Variants in MUC5B observed in about 807,000 individuals in gnomAD.
MUC5B encodes mucin 5B, oligomeric mucus/gel-forming, also known as mucin-5B.
A neutral mutation model predicts 376.9 loss-of-function variants in MUC5B; 116 were observed. The ratio of observed to expected loss-of-function variants is 0.31; its 90% CI spans 0.26 to 0.36. MUC5B has a LOEUF of 0.36. Among genes scored for constraint, MUC5B ranks in the 10% least tolerant of loss-of-function variants. The probability of loss-of-function intolerance (pLI) is 1.00; values close to 1 mark genes in which losing one functional copy is unlikely to be tolerated. For missense variants in MUC5B, 7,165 were observed against 7,769.9 expected, an observed-to-expected ratio of 0.92 and a Z score of 2.93; for synonymous variants, 3,517 against 3,390.9, an observed-to-expected ratio of 1.04 and a Z score of -1.29.
rs1284367674 is a variant in MUC5B, at chr11:1,247,147, G to A, written c.10267G>A (p.Ala3423Thr). 2.0e-5 allele frequency: 30 copies of A among 1,535,672 alleles called. 1 individual carries two copies. Among genetic ancestry groups the A allele is most frequent in the Admixed American group, 7.6e-5 (4 of 52,298 alleles). The change falls in exon 31 of 49, where the codon GCC becomes ACC. Residue 3423 changes from alanine to threonine, a missense_variant. Ala to Thr is a moderately conservative substitution (Grantham distance 58). Around this residue, in one of 31 missense-constraint regions of MUC5B, gnomAD observed 939 missense variants for 770.6 expected, o/e 1.22. Coordinates refer to ENST00000529681, the MANE Select transcript of MUC5B (RefSeq NM_002458.3). ...TPIPPVLTTT[A>T]TTPAATSSTV... ...CATCCCCCCAGTGCTGACCACCACC[G>A]CCACCACACCTGCAGCCACCAGCAG...
At chr11:1,254,047 G>A (rs1862769517) in intron 33 of MUC5B, 45 bp from the exon 34 acceptor site, 1 of 1,585,936 alleles carries the variant, frequency 6.3e-7, no homozygotes, top group Non-Finnish European at 8.6e-7. Flanking sequence ...GGGGAGCGAG[G>A]GCACCACCAC....
At position 1,240,275 on chromosome 11, in the gene MUC5B, A is replaced by C; in HGVS notation, c.3870A>C (p.Gly1290=). 2 of 1,613,726 alleles carry C rather than the reference A, an allele frequency of 1.2e-6. No homozygotes were observed. The highest frequency in any genetic ancestry group is 1.7e-6 in the Non-Finnish European group (2 of 1,179,706). ...GLGACLIAIC[G]SNGTIIRKAV... is the part of the protein sequence containing the mutation. ...GCGCCTGCTTGATCGCCATCTGCGG[A>C]AGCAACGGCACCATCATCAGGAAGG... The change falls in exon 30 of 49, where the codon GGA becomes GGC. Residue 1290 remains glycine (G), a synonymous_variant. Transcript: ENST00000529681.
chr11:1,247,362 C>G lies in MUC5B; in HGVS notation c.10482C>G (p.Thr3494=). The G allele has an allele frequency of 1.2e-6, 2 of 1,610,998 alleles. No homozygotes were observed. Among genetic ancestry groups the G allele is most frequent in the Non-Finnish European group, 1.7e-6 (2 of 1,179,412 alleles). The change falls in exon 31 of 49, where the codon ACC becomes ACG. Residue 3494 remains threonine, a synonymous_variant. Coordinates refer to ENST00000529681, the MANE Select transcript of MUC5B (RefSeq NM_002458.3). ...ITEPSTVTSH[T]PAATTSTTQH... is the part of the protein sequence containing the mutation. The stretch of plus-strand genomic sequence containing the variant: ...AGCCTTCCACGGTGACTTCCCACAC[C>G]CCAGCAGCAACCACCAGTACCACCC...
chr11:1,233,346 C>G (rs1862078179), intron 18 of MUC5B, 78 bp downstream of exon 18: 1 of 1,421,802 alleles, frequency 7.0e-7, no homozygotes, highest in Non-Finnish European at 9.3e-7. Flanking sequence ...GCTTCTGTGC[C>G]TCCCCCCGAG....
Position 1,234,727 on chromosome 11 carries a change from G to A in MUC5B, c.2630+47G>A, listed in dbSNP as rs2735720. 12 of 943,020 alleles carry A rather than the reference G, an allele frequency of 1.3e-5. No homozygotes were observed. Among genetic ancestry groups the A allele is most frequent in the African/African-American group, 3.4e-5 (2 of 58,700 alleles). 58.4% of individuals were successfully genotyped at this position (943,020 alleles called of 1,614,324 possible). A position where few individuals can be genotyped will look rare whatever the true frequency, so the allele number is the denominator to read the frequency against. On this transcript the variant is annotated intron_variant, in intron 21 of 48. Coordinates refer to ENST00000529681, the MANE Select transcript of MUC5B (RefSeq NM_002458.3). The surrounding 1 kb of genome is among the most constrained non-coding windows in gnomAD (Gnocchi z 6.3). ...GGCAGCAGGTGGGGAGGGCGGGGGCGGGGAGGGCAGCGGGTGGGGAGGCAG... is the reference window on the plus strand; with the variant it reads ...GGCAGCAGGTGGGGAGGGCGGGGGCAGGGAGGGCAGCGGGTGGGGAGGCAG...
rs1861976232 is a variant in MUC5B, at chr11:1,229,671, C to T, written c.1103-19C>T. On this transcript the variant is annotated intron_variant, in intron 9 of 48. Coordinates refer to ENST00000529681, the MANE Select transcript of MUC5B (RefSeq NM_002458.3). ...TCCCCCGTGCATGGGCCGGCCCTGC[C>T]TCACGCCGCGCCCCACAGGCACGGT... The T allele has an allele frequency of 2.6e-6, 4 of 1,541,220 alleles. No homozygotes were observed. The highest frequency in any genetic ancestry group is 3.5e-6 in the Non-Finnish European group (4 of 1,147,106).
rs886876381 is a variant in MUC5B at position 1,259,181 on chromosome 11, C to T, written c.16713+120C>T. On this transcript the variant is annotated intron_variant, in intron 44 of 48. Coordinates refer to ENST00000529681, the MANE Select transcript of MUC5B (RefSeq NM_002458.3). ...CCCGCCCCCAGGTGAGCCCCCGAGGCACCTGCCCCCAGGTGAGTCCCTGAG... is the reference window on the plus strand; with the variant it reads ...CCCGCCCCCAGGTGAGCCCCCGAGGTACCTGCCCCCAGGTGAGTCCCTGAG... 2.2e-5 allele frequency: 23 copies of T among 1,052,670 alleles called. No homozygotes were observed. In the East Asian group the frequency reaches 4.1e-4, roughly 19 times the overall value. 65.2% of individuals were successfully genotyped at this position (1,052,670 alleles called of 1,614,324 possible).
rs28438433 is a variant in MUC5B, at chr11:1,252,721, C to T, written c.15046-88C>T. The T allele has an allele frequency of 2.5e-3, 3,734 of 1,487,388 alleles. 66 individuals are homozygous for T. In the African/African-American group the frequency reaches 0.044, roughly 17 times the overall value. The allele number at this position is 1,487,388 out of a possible 1,614,324, so 92.1% of individuals were successfully genotyped here. On this transcript the variant is annotated intron_variant, in intron 32 of 48. Transcript: ENST00000529681. The stretch of plus-strand genomic sequence containing the variant: ...CCTCAGGCAGGCTCTTGTGGCCACC[C>T]GGGGCTTTGGGCCATGAGGGGTGGG...
At position 1,246,932 on chromosome 11, in the gene MUC5B, C is replaced by G. The variant is rs915382007; in HGVS notation, c.10052C>G (p.Ser3351Cys). The G allele has an allele frequency of 6.2e-7, 1 of 1,609,746 alleles. No homozygotes were observed. The highest frequency in any genetic ancestry group is 1.3e-5 in the African/African-American group (1 of 74,670). The change falls in exon 31 of 49, where the codon TCC becomes TGC. Residue 3351 changes from serine (S) to cysteine (C), a missense_variant. Physicochemically the swap from Ser to Cys is moderately radical, Grantham distance 112 (BLOSUM62 -1). Coordinates refer to ENST00000529681, the MANE Select transcript of MUC5B (RefSeq NM_002458.3). Reference protein sequence around the residue: ...TTRGSTVTPSSIPGTTHTATV... With the variant: ...TTRGSTVTPSCIPGTTHTATV... ...AGAGGCTCCACGGTGACCCCCTCCTCCATCCCGGGGACCACCCACACCGCC... is the reference window on the plus strand; with the variant it reads ...AGAGGCTCCACGGTGACCCCCTCCTGCATCCCGGGGACCACCCACACCGCC...
chr11:1,250,144 A>G lies in MUC5B; in HGVS notation c.13264A>G (p.Thr4422Ala). 6.2e-7 allele frequency: 1 copy of G among 1,611,184 alleles called. No individual in the cohort carries two copies. The highest frequency in any genetic ancestry group is 8.5e-7 in the Non-Finnish European group (1 of 1,178,628). ...SSTPGTTWIL[T>A]ELTTTATTTA... ...CACCCCAGGGACCACCTGGATCCTC[A>G]CAGAGCTGACCACAACAGCCACTAC... The change falls in exon 31 of 49, where the codon ACA becomes GCA. Residue 4422 changes from threonine (T) to alanine (A), a missense_variant. Around this residue, in one of 31 missense-constraint regions of MUC5B, gnomAD observed 431 missense variants for 390.4 expected, o/e 1.10. Transcript: ENST00000529681.
chr11:1,238,840 C>G, intron 25 of MUC5B, 31 bp from the exon 26 acceptor site: 2 of 1,539,102 alleles, frequency 1.3e-6, no homozygotes, highest in Non-Finnish European at 8.8e-7. Context: ...GCCATTGTCC[C>G]GGCTGAGCTG....
rs767758324 is a variant in MUC5B at position 1,233,263 on chromosome 11, C to T, written c.2316C>T (p.Ala772=). Residue 772 remains alanine, a synonymous_variant, in exon 18 of 49, where the codon GCC becomes GCT. Transcript: ENST00000529681. Reference sequence around the variant, plus strand: ...GAGAGGTGGTGCACGACGAGGGCGCCGTGTGGTAAGGGTCTGGGGGGAAAG... The same window carrying T: ...GAGAGGTGGTGCACGACGAGGGCGCTGTGTGGTAAGGGTCTGGGGGGAAAG... The part of the protein sequence containing the change: ...APGEVVHDEG[A]VCSCTGGKLS... 6.8e-5 allele frequency: 107 copies of T among 1,564,362 alleles called. No homozygotes were observed. The highest frequency in any genetic ancestry group is 8.4e-5 in the Non-Finnish European group (97 of 1,156,978).
At chr11:1,260,840 G>A in intron 48 of MUC5B, 112 bp downstream of exon 48, 2 of 743,368 alleles carry the variant, frequency 2.7e-6, no homozygotes, top group Non-Finnish European at 4.5e-6. Flanking sequence ...GCCAGCTCCA[G>A]GAAGGAGGGA....
Position 1,228,594 on chromosome 11 carries a change from C to T in MUC5B, c.805C>T (p.Pro269Ser). 1 of 1,530,400 alleles carries T rather than the reference C, an allele frequency of 6.5e-7. No homozygotes were observed. The highest frequency in any genetic ancestry group is 8.7e-7 in the Non-Finnish European group (1 of 1,143,608). 94.8% of individuals were successfully genotyped at this position (1,530,400 alleles called of 1,614,324 possible). ...CATCTGCCACCGCACCCTGCTGGGGCCGGCCTTTGCGGAGTGCCACGCACT... is the reference window on the plus strand; with the variant it reads ...CATCTGCCACCGCACCCTGCTGGGGTCGGCCTTTGCGGAGTGCCACGCACT... ...EGICHRTLLG[P>S]AFAECHALVD... Residue 269 changes from proline to serine, a missense_variant, in exon 8 of 49, where the codon CCG becomes TCG. Pro to Ser is a moderately conservative substitution (Grantham distance 74). This residue lies in a region of MUC5B where 640 missense variants were observed against 733.0 expected (regional missense o/e 0.87). Transcript: ENST00000529681.
In MUC5B at chr11:1,234,238, G is replaced by A. The variant is rs779321534; in HGVS notation, c.2411G>A (p.Ser804Asn). ...GCCCCCATGGTGTACCTGGACTGCA[G>A]CAACAGCTCGGCGGGCACCCCTGGG... ...CAAPMVYLDC[S>N]NSSAGTPGAE... Residue 804 changes from serine (S) to asparagine (N), a missense_variant, in exon 20 of 49, where the codon AGC becomes AAC. Coordinates refer to ENST00000529681, the MANE Select transcript of MUC5B (RefSeq NM_002458.3). This position sits in a 1 kb window ranked among gnomAD's most constrained non-coding sequence, Gnocchi z 6.3. 2.5e-5 allele frequency: 40 copies of A among 1,606,730 alleles called. No individual in the cohort carries two copies. Among genetic ancestry groups the A allele is most frequent in the Admixed American group, 1.3e-4 (8 of 59,506 alleles).
chr11:1,231,274 G>C, intron 13 of MUC5B, 149 bp from the exon 14 acceptor site: 1 of 1,036,018 alleles, frequency 9.7e-7, no homozygotes, highest in Non-Finnish European at 1.4e-6. Flanking sequence ...CACAGGCATG[G>C]GACAGGGAGC....
rs773838518 is a variant in MUC5B at position 1,241,383 on chromosome 11, C to A, written c.4503C>A (p.Thr1501=). The stretch of plus-strand genomic sequence containing the variant: ...TCACCCCCTCGGCCCCAGGTACCAC[C>A]ACCTGCCAGCCCCGGTGTCAGTGGA... ...VTVTPSAPGT[T]TCQPRCQWTE... Residue 1501 remains threonine, a synonymous_variant, in exon 31 of 49, where the codon ACC becomes ACA. Coordinates refer to ENST00000529681, the MANE Select transcript of MUC5B (RefSeq NM_002458.3). The A allele has an allele frequency of 3.7e-6, 6 of 1,613,472 alleles. No individual in the cohort carries two copies. Among genetic ancestry groups the A allele is most frequent in the African/African-American group, 1.3e-5 (1 of 74,928 alleles).
At chr11:1,229,326 G>C (rs1253400094) in intron 9 of MUC5B, 31 bp downstream of exon 9, 1 of 1,514,644 alleles carries the variant, frequency 6.6e-7, no homozygotes, top group African/African-American at 1.4e-5. Context: ...ACCCCTCAGG[G>C]GGCTTTCAGG....
At position 1,243,527 on chromosome 11, in the gene MUC5B, C is replaced by T. The variant is rs267602740; in HGVS notation, c.6647C>T (p.Ser2216Leu). ...SPHTVRTAWT[S>L]ATSGILGTTH... is the part of the protein sequence containing the mutation. Reference sequence around the variant, plus strand: ...CACACGGTGCGCACAGCCTGGACTTCGGCCACCTCGGGCATCTTGGGCACC... The same window carrying T: ...CACACGGTGCGCACAGCCTGGACTTTGGCCACCTCGGGCATCTTGGGCACC... The change falls in exon 31 of 49, where the codon TCG becomes TTG. Residue 2216 changes from serine to leucine, a missense_variant. Coordinates refer to ENST00000529681, the MANE Select transcript of MUC5B (RefSeq NM_002458.3). 8.2e-5 allele frequency: 131 copies of T among 1,604,390 alleles called. No individual in the cohort carries two copies. Among genetic ancestry groups the T allele is most frequent in the Non-Finnish European group, 1.0e-4 (121 of 1,176,818 alleles).
Sources: gnomAD v4.1 joint callset for allele counts on GRCh38, gnomAD v4.1.1 for gene constraint, gnomAD v4.1.1 regional missense constraint, Gnocchi (gnomAD v3.1) non-coding constraint, MANE v1.5 for transcripts, NCBI Gene and HGNC (gene_info 2026-07-23, HGNC 2026-07-21) for gene names.